RBFOX1: variants seen among roughly 807,000 people sequenced by gnomAD.
RBFOX1 encodes the protein RNA binding protein fox-1 homolog 1.
A neutral mutation model predicts 57.7 loss-of-function variants in RBFOX1; 8 were observed. The ratio of observed to expected loss-of-function variants is 0.14; its 90% confidence interval spans 0.08 to 0.25. The LOEUF (loss-of-function observed/expected upper bound fraction) is 0.25. Among genes scored for constraint, RBFOX1 ranks in the 10% least tolerant of loss-of-function variants. RBFOX1 has a pLI of 1.00. For synonymous variants in RBFOX1, 326 were observed against 222.4 expected, an observed-to-expected ratio of 1.47 and a Z score of -4.15; for missense variants, 611 against 548.5, an observed-to-expected ratio of 1.11 and a Z score of -1.14.
intron 1 of RBFOX1, among the ~76,000 whole-genome samples, chr16:6,068,352 A>G (rs2095793868): frequency 1.3e-5 from 2 of 152,212 alleles, no homozygotes; most frequent in Admixed American, 1.3e-4. Flanking sequence ...CTGAGTAGTT[A>G]AGGTAAATAT....
intron 4 of RBFOX1, among the ~76,000 whole-genome samples, chr16:7,269,551 T>G (rs917426557): frequency 1.3e-5 from 2 of 152,214 alleles, no homozygotes; most frequent in Non-Finnish European, 2.9e-5. Flanking sequence ...AATTTTTTAC[T>G]TGGTATTAAA....
intron 2 of RBFOX1, among the ~76,000 whole-genome samples, chr16:6,601,211 G>T (rs979530656): frequency 6.6e-6 from 1 of 152,124 alleles, no homozygotes; most frequent in East Asian, 1.9e-4. Context: ...TCATGAAATG[G>T]AAGAGTCTTT....
chr16:6,020,031 G>T, intron 1 of RBFOX1, 39 bp downstream of exon 1: 1 of 1,451,192 alleles, frequency 6.9e-7, no homozygotes. Context: ...CACCCACCCT[G>T]ACCTGGTGGG....
At chr16:7,108,883 A>G (rs995239955) in intron 4 of RBFOX1, among the ~76,000 whole-genome samples, 2 of 152,202 alleles carry the variant, frequency 1.3e-5, no homozygotes, top group African/African-American at 4.8e-5. Flanking sequence ...AATACTATGC[A>G]TCTGTGAAAA....
At chr16:6,596,467 T>C (rs1040123854) in intron 2 of RBFOX1, among the ~76,000 whole-genome samples, 1 of 152,202 alleles carries the variant, frequency 6.6e-6, no homozygotes, top group Non-Finnish European at 1.5e-5. Context: ...TGAAGGTATA[T>C]TAATTCTCCT....
intron 3 of RBFOX1, among the ~76,000 whole-genome samples, chr16:6,722,155 G>C (rs2066134554): frequency 6.6e-6 from 1 of 152,048 alleles, no homozygotes; most frequent in African/African-American, 2.4e-5. Context: ...CATTCCTGTG[G>C]TACATACCCA....
chr16:7,209,060 C>T (rs760181081), intron 4 of RBFOX1, among the ~76,000 whole-genome samples: 2 of 151,712 alleles, frequency 1.3e-5, no homozygotes, highest in African/African-American at 2.4e-5. Flanking sequence ...TTTGGGAGGC[C>T]GAGGTGGTCA....
At chr16:7,198,407 G>T (rs1403255837) in intron 4 of RBFOX1, among the ~76,000 whole-genome samples, 3 of 152,172 alleles carry the variant, frequency 2.0e-5, no homozygotes, top group Non-Finnish European at 2.9e-5. Flanking sequence ...CTACTCATTT[G>T]TACACTTAAA....
intron 14 of RBFOX1, among the ~76,000 whole-genome samples, chr16:7,686,973 T>C (rs922033468): frequency 6.6e-6 from 1 of 152,116 alleles, no homozygotes; most frequent in African/African-American, 2.4e-5. Flanking sequence ...TTCACAGACC[T>C]TATCTTCTTT....
chr16:6,747,476 T>TGTCTGTCTGTCTGTC (rs1414362121), intron 3 of RBFOX1, among the ~76,000 whole-genome samples: 188 of 137,114 alleles, frequency 1.4e-3, no homozygotes, highest in East Asian at 4.9e-3. Flanking sequence ...GTCTGTCTGT[T>TGTCTGTCTGTCTGTC]TATCTATCTG....
At chr16:6,439,923 G>C (rs530584596) in intron 2 of RBFOX1, among the ~76,000 whole-genome samples, 1 of 131,032 alleles carries the variant, frequency 7.6e-6, no homozygotes, top group South Asian at 2.4e-4. Context: ...ACAATACTCA[G>C]AAGGTCTTAA....
chr16:6,318,464 C>T (rs953999493), intron 2 of RBFOX1, among the ~76,000 whole-genome samples: 2 of 152,138 alleles, frequency 1.3e-5, no homozygotes, highest in Admixed American at 6.6e-5. Flanking sequence ...GCATCTTTCT[C>T]ATAGATGCCT....
intron 3 of RBFOX1, among the ~76,000 whole-genome samples, chr16:5,711,536 C>A (rs740655): frequency 7.2e-5 from 11 of 151,970 alleles, no homozygotes; most frequent in African/African-American, 2.7e-4. Context: ...GAAGAGGTAA[C>A]GAAATAAAGA....
At chr16:6,663,585 T>C (rs1364938473) in intron 3 of RBFOX1, among the ~76,000 whole-genome samples, 1 of 152,162 alleles carries the variant, frequency 6.6e-6, no homozygotes, top group Non-Finnish European at 1.5e-5. Context: ...AAAGCGAAGA[T>C]ACTTAAGGCA....
chr16:7,438,925 G>T (rs2098743701), intron 4 of RBFOX1, among the ~76,000 whole-genome samples: 1 of 152,126 alleles, frequency 6.6e-6, no homozygotes, highest in Admixed American at 6.5e-5. Flanking sequence ...TGTGTCCCTG[G>T]GAATAAAAAG....
At chr16:6,841,443 G>T (rs532742341) in intron 3 of RBFOX1, among the ~76,000 whole-genome samples, 1 of 152,096 alleles carries the variant, frequency 6.6e-6, no homozygotes, top group South Asian at 2.1e-4. Context: ...TCTTTTGTTT[G>T]CTTGTCAATA....
intron 4 of RBFOX1, among the ~76,000 whole-genome samples, chr16:7,264,414 G>A (rs2153082610): frequency 6.6e-6 from 1 of 152,270 alleles, no homozygotes; most frequent in East Asian, 1.9e-4. Context: ...AACAGATCTG[G>A]GATGGCTCAC....
chr16:5,876,436 C>G (rs1004732962), intron 4 of RBFOX1, among the ~76,000 whole-genome samples: 2 of 152,136 alleles, frequency 1.3e-5, no homozygotes, highest in Non-Finnish European at 2.9e-5. Flanking sequence ...TATCAGACCC[C>G]CAAACCAGCT....
chr16:6,882,731 G>A (rs539701583), intron 3 of RBFOX1, among the ~76,000 whole-genome samples: 4 of 152,112 alleles, frequency 2.6e-5, no homozygotes, highest in South Asian at 4.2e-4. Context: ...CATAACCAAC[G>A]GCAACCAAAG....
Sources: gnomAD v4.1 joint callset for allele counts (sites outside exome capture counted in the v4.1 genomes callset) on GRCh38, gnomAD v4.1.1 for gene constraint, MANE v1.5 for transcripts, NCBI Gene and HGNC (gene_info 2026-07-23, HGNC 2026-07-21) for gene names.